ATXN7L1: variants seen among roughly 807,000 people sequenced by gnomAD.
ATXN7L1 encodes ataxin-7-like protein 1.
Under a neutral mutation model 70.8 loss-of-function variants are expected in ATXN7L1, and 15 were observed. The observed-to-expected ratio is 0.21, with a 90% CI of 0.14 to 0.33. ATXN7L1 has a LOEUF of 0.33. ATXN7L1 is among the 10% of genes least tolerant of loss of function. The pLI is 1.00. For synonymous variants in ATXN7L1, 440 were observed against 445.1 expected (o/e 0.99, Z 0.14); for missense variants, 975 against 1,097.1 (o/e 0.89, Z 1.57).
chr7:105,850,592 T>A (rs1303400739), intron 2 of ATXN7L1, among the ~76,000 whole-genome samples: 1 of 152,252 alleles, frequency 6.6e-6, no homozygotes, highest in Non-Finnish European at 1.5e-5. Flanking sequence ...CAGATCTCTC[T>A]GACTTAAGAG....
chr7:105,823,599 T>G lies in ATXN7L1; in HGVS notation c.251-34891A>C, dbSNP rs187086057. On this transcript the variant is annotated intron_variant, in intron 2 of 11. Transcript: ENST00000419735. ...CTTGAACCCACTTGGTTCCACTATC[T>G]GTTGATTGGCTGAATGAATGGTGGA... Among the ~76,000 whole-genome samples the G allele has an allele frequency of 3.9e-5, 6 of 152,370 alleles. No homozygotes were observed. The East Asian group carries it at 1.2e-3, about 29-fold the overall frequency.
chr7:105,671,600 GT>G (rs11345062), intron 3 of ATXN7L1, among the ~76,000 whole-genome samples: 129,301 of 152,172 alleles, frequency 0.85, 55,366 homozygotes, highest in African/African-American at 0.95. Flanking sequence ...AGTAATAATA[GT>G]TTTAAGATTT....
intron 3 of ATXN7L1, among the ~76,000 whole-genome samples, chr7:105,749,925 G>A (rs2116383342): frequency 6.6e-6 from 1 of 151,992 alleles, no homozygotes; most frequent in Non-Finnish European, 1.5e-5. Context: ...GGCACTTACT[G>A]CCTAAAAATG....
intron 3 of ATXN7L1, among the ~76,000 whole-genome samples, chr7:105,706,557 C>A (rs537348316): frequency 6.6e-6 from 1 of 152,224 alleles, no homozygotes; most frequent in East Asian, 1.9e-4. Flanking sequence ...CCACCACCAC[C>A]ACCACCAAAA....
intron 3 of ATXN7L1, among the ~76,000 whole-genome samples, chr7:105,675,489 G>T (rs1254826835): frequency 6.6e-6 from 1 of 152,140 alleles, no homozygotes; most frequent in Non-Finnish European, 1.5e-5. Flanking sequence ...GCCAGGCGTG[G>T]TGGTGCATGC....
At chr7:105,721,043 T>C (rs1001774692) in intron 3 of ATXN7L1, among the ~76,000 whole-genome samples, 1 of 152,172 alleles carries the variant, frequency 6.6e-6, no homozygotes, top group Non-Finnish European at 1.5e-5. Context: ...CAGGAGACCC[T>C]GCACCCACCC....
chr7:105,839,373 G>A (rs1043737511), intron 2 of ATXN7L1, among the ~76,000 whole-genome samples: 3 of 152,180 alleles, frequency 2.0e-5, no homozygotes, highest in Admixed American at 2.0e-4. Context: ...GTCTCAGCCC[G>A]ATGCACTCTT....
chr7:105,671,889 CAAAAAAAAAAAAA>C (rs55748938), intron 3 of ATXN7L1, among the ~76,000 whole-genome samples: 6 of 56,430 alleles, frequency 1.1e-4, no homozygotes, highest in African/African-American at 4.5e-4. Context: ...GACCCTGTCT[CAAAAAAAAAAAAA>C]AAAAAAAAAA....
At chr7:105,851,030 C>G (rs1041297567) in intron 2 of ATXN7L1, among the ~76,000 whole-genome samples, 3 of 152,160 alleles carry the variant, frequency 2.0e-5, no homozygotes, top group African/African-American at 7.2e-5. Flanking sequence ...CCTCCCCTTG[C>G]TCTCAAATTC....
chr7:105,691,834 C>T (rs1269961400), intron 3 of ATXN7L1, among the ~76,000 whole-genome samples: 2 of 152,120 alleles, frequency 1.3e-5, no homozygotes, highest in East Asian at 1.9e-4. Flanking sequence ...CAGCTATCCG[C>T]GCTTGCACAC....
intron 2 of ATXN7L1, among the ~76,000 whole-genome samples, chr7:105,869,868 C>T (rs1252502776): frequency 6.6e-6 from 1 of 152,066 alleles, no homozygotes; most frequent in Non-Finnish European, 1.5e-5. Context: ...TTAGATCTCC[C>T]AGTCCCTAGA....
chr7:105,626,716 T>G lies in ATXN7L1; in HGVS notation c.1203-2449A>C, dbSNP rs192225528. ...AACAACACTATTGTCTGCTTACCGC[T>G]GAAGACCCAAATAATAAAACAATTT... On this transcript the variant is annotated intron_variant, in intron 7 of 11. Transcript: ENST00000419735. Among the ~76,000 whole-genome samples the G allele has an allele frequency of 4.7e-4, 72 of 152,238 alleles. 4 individuals carry two copies. The East Asian group carries it at 8.5e-3, about 18-fold the overall frequency.
At chr7:105,808,517 C>G (rs896561927) in intron 2 of ATXN7L1, among the ~76,000 whole-genome samples, 1 of 152,136 alleles carries the variant, frequency 6.6e-6, no homozygotes. Flanking sequence ...CTGTGGTGAA[C>G]TATTATGGGA....
chr7:105,659,361 C>T (rs1413037414), intron 4 of ATXN7L1, among the ~76,000 whole-genome samples: 3 of 152,138 alleles, frequency 2.0e-5, no homozygotes, highest in Admixed American at 6.5e-5. Context: ...GACACGAGTA[C>T]CACGCTTGTT....
chr7:105,868,562 T>C (rs1355061167), intron 2 of ATXN7L1, among the ~76,000 whole-genome samples: 3 of 152,148 alleles, frequency 2.0e-5, no homozygotes, highest in African/African-American at 2.4e-5. Context: ...TGGCAAGATA[T>C]CAGCTAATAC....
chr7:105,718,065 G>C (rs1794770119), intron 3 of ATXN7L1, among the ~76,000 whole-genome samples: 1 of 152,088 alleles, frequency 6.6e-6, no homozygotes, highest in Non-Finnish European at 1.5e-5. Context: ...GAAATGGAAG[G>C]GGCAGTGAAG....
chr7:105,651,002 C>T (rs1274012995), intron 4 of ATXN7L1, among the ~76,000 whole-genome samples: 1 of 152,212 alleles, frequency 6.6e-6, no homozygotes, highest in African/African-American at 2.4e-5. Context: ...CCAACCTAGA[C>T]TCAAATCCTG....
chr7:105,761,211 C>G, intron 3 of ATXN7L1: 1 of 1,440,684 alleles, frequency 6.9e-7, no homozygotes, highest in East Asian at 2.5e-5. Flanking sequence ...AGCCCATTTC[C>G]TTACTAGATC....
At position 105,625,289 on chromosome 7, in the gene ATXN7L1, C is replaced by T. The variant is rs1490477003; in HGVS notation, c.1203-1022G>A. 5.9e-5 allele frequency among the ~76,000 whole-genome samples: 9 copies of T among 152,310 alleles called. No individual in the cohort carries two copies. The South Asian group carries it at 1.0e-3, about 18-fold the overall frequency. On this transcript the variant is annotated intron_variant, in intron 7 of 11. Coordinates refer to ENST00000419735, the MANE Select transcript of ATXN7L1 (RefSeq NM_020725.2). ...TGTTTACGAAACACTCTCACTCTGT[C>T]GCCCAGGCTGGAGTACAGTGGTGTG...
Sources: gnomAD v4.1 joint callset for allele counts (sites outside exome capture counted in the v4.1 genomes callset) on GRCh38, gnomAD v4.1.1 for gene constraint, MANE v1.5 for transcripts, NCBI Gene and HGNC (gene_info 2026-07-23, HGNC 2026-07-21) for gene names.